CADPS2: variants seen among roughly 807,000 people sequenced by gnomAD.
CADPS2 encodes the protein calcium-dependent secretion activator 2.
Under a neutral mutation model 172.5 loss-of-function variants are expected in CADPS2, and 93 were observed. The ratio of observed to expected loss-of-function variants is 0.54; its 90% CI spans 0.46 to 0.64. The LOEUF is 0.64. CADPS2 is among the 30% of genes least tolerant of loss of function. The probability of loss-of-function intolerance (pLI) is 0.00; values close to 1 mark genes in which losing one functional copy is unlikely to be tolerated. For synonymous variants in CADPS2, 546 were observed against 555.2 expected, an observed-to-expected ratio of 0.98 and a Z score of 0.23; for missense variants, 1,420 against 1,565.9, an observed-to-expected ratio of 0.91 and a Z score of 1.57.
intron 1 of CADPS2, among the ~76,000 whole-genome samples, chr7:122,766,952 A>C (rs569937551): frequency 6.6e-6 from 1 of 152,206 alleles, no homozygotes; most frequent in South Asian, 2.1e-4. Context: ...CAGGACTGAC[A>C]TAAGAATGAA....
At chr7:122,807,348 C>A (rs1486095088) in intron 1 of CADPS2, among the ~76,000 whole-genome samples, 1 of 152,232 alleles carries the variant, frequency 6.6e-6, no homozygotes, top group East Asian at 1.9e-4. Flanking sequence ...GCTGGGCCCA[C>A]CTGAACCCAT....
chr7:122,663,767 T>G (rs1053894629), intron 2 of CADPS2, among the ~76,000 whole-genome samples, 198 bp from the exon 3 acceptor site: 30 of 152,188 alleles, frequency 2.0e-4, no homozygotes, highest in Non-Finnish European at 3.2e-4. Flanking sequence ...AATTTTAAAA[T>G]GTGTAGGAGA....
intron 2 of CADPS2, among the ~76,000 whole-genome samples, chr7:122,704,801 C>T (rs1379856483): frequency 6.6e-6 from 1 of 152,162 alleles, no homozygotes; most frequent in African/African-American, 2.4e-5. Context: ...TTTTGCCTCT[C>T]AGGGGACATC....
intron 27 of CADPS2, among the ~76,000 whole-genome samples, chr7:122,351,308 G>A (rs1224754883): frequency 7.4e-6 from 1 of 135,396 alleles, no homozygotes; most frequent in Non-Finnish European, 1.5e-5. Context: ...AGGAGGCAGA[G>A]CTTGCAGTGA....
chr7:122,409,140 C>T (rs891569899), intron 19 of CADPS2, among the ~76,000 whole-genome samples: 2 of 152,038 alleles, frequency 1.3e-5, no homozygotes, highest in African/African-American at 4.8e-5. Context: ...GGGTATATGA[C>T]CTAACGTAAA....
At chr7:122,660,556 T>A (rs905612285) in intron 3 of CADPS2, among the ~76,000 whole-genome samples, 1 of 151,416 alleles carries the variant, frequency 6.6e-6, no homozygotes. Flanking sequence ...ACCTTAAATA[T>A]GAATGGCCTA....
intron 24 of CADPS2, chr7:122,386,304 A>G (rs2151425226): frequency 6.9e-7 from 1 of 1,444,244 alleles, no homozygotes. Flanking sequence ...CCCATTGACT[A>G]CCAAACTGGA....
At chr7:122,495,291 C>A (rs1190593261) in intron 9 of CADPS2, among the ~76,000 whole-genome samples, 1 of 152,052 alleles carries the variant, frequency 6.6e-6, no homozygotes, top group African/African-American at 2.4e-5. Flanking sequence ...CATACTCACC[C>A]AAGACAATTT....
chr7:122,670,379 A>G (rs1048440859), intron 2 of CADPS2, among the ~76,000 whole-genome samples: 1 of 152,046 alleles, frequency 6.6e-6, no homozygotes, highest in Admixed American at 6.5e-5. Context: ...GGAGTTGGAG[A>G]CCAGCCTGGG....
chr7:122,818,640 T>C (rs1802219591), intron 1 of CADPS2, among the ~76,000 whole-genome samples: 1 of 152,148 alleles, frequency 6.6e-6, no homozygotes, highest in Admixed American at 6.5e-5. Context: ...TTCCTCAGCA[T>C]CTGCTCCTCC....
intron 3 of CADPS2, among the ~76,000 whole-genome samples, chr7:122,638,800 C>G (rs2134427459): frequency 6.6e-6 from 1 of 152,308 alleles, no homozygotes; most frequent in East Asian, 1.9e-4. Context: ...AGGCAGGCAG[C>G]TGCCCAGCTT....
At chr7:122,348,382 G>A (rs939174989) in intron 27 of CADPS2, among the ~76,000 whole-genome samples, 8 of 152,072 alleles carry the variant, frequency 5.3e-5, no homozygotes, top group East Asian at 1.9e-4. Flanking sequence ...GAAAGAAAAC[G>A]AAATGCTTTT....
intron 25 of CADPS2, among the ~76,000 whole-genome samples, chr7:122,377,634 C>T (rs1039694428): frequency 6.6e-6 from 1 of 152,062 alleles, no homozygotes; most frequent in African/African-American, 2.4e-5. Flanking sequence ...GCGTTGACTG[C>T]GTGGTGATGC....
chr7:122,522,395 G>A (rs1421689567), intron 8 of CADPS2, among the ~76,000 whole-genome samples: 1 of 151,960 alleles, frequency 6.6e-6, no homozygotes, highest in East Asian at 1.9e-4. Flanking sequence ...GATTACAGGT[G>A]TGAGCCACTG....
chr7:122,383,377 G>A (rs1446397003), intron 24 of CADPS2, among the ~76,000 whole-genome samples: 1 of 151,980 alleles, frequency 6.6e-6, no homozygotes, highest in Non-Finnish European at 1.5e-5. Flanking sequence ...ACGACCTATT[G>A]AGTACTATGC....
chr7:122,583,903 A>T (rs956115047), intron 6 of CADPS2, among the ~76,000 whole-genome samples: 1 of 151,328 alleles, frequency 6.6e-6, no homozygotes, highest in African/African-American at 2.4e-5. Flanking sequence ...TCACACACAT[A>T]TAAAGATCCA....
chr7:122,490,724 G>A (rs2058205421), intron 10 of CADPS2, among the ~76,000 whole-genome samples: 1 of 145,996 alleles, frequency 6.8e-6, no homozygotes, highest in Admixed American at 6.9e-5. Flanking sequence ...ATAATATTTT[G>A]CATTTTAAGT....
intron 8 of CADPS2, among the ~76,000 whole-genome samples, chr7:122,522,112 CATTTT>C (rs935511281): frequency 1.1e-4 from 17 of 151,874 alleles, no homozygotes; most frequent in Non-Finnish European, 2.2e-4. Flanking sequence ...CAAAATAATT[CATTTT>C]ATTTTATTTA....
At chr7:122,655,240 T>C (rs1341449437) in intron 3 of CADPS2, among the ~76,000 whole-genome samples, 1 of 152,202 alleles carries the variant, frequency 6.6e-6, no homozygotes, top group Non-Finnish European at 1.5e-5. Context: ...TGGCAGGGTA[T>C]GAGAGGACTA....
Sources: allele counts gnomAD v4.1 joint callset (sites outside exome capture counted in the v4.1 genomes callset), GRCh38; gene constraint gnomAD v4.1.1; transcripts MANE v1.5; gene names NCBI Gene and HGNC (gene_info 2026-07-23, HGNC 2026-07-21).